The following STIL variants were observed in gnomAD, a reference collection of about 807,000 sequenced individuals.
The protein encoded by STIL is STIL centriolar assembly protein.
A neutral mutation model predicts 110.1 loss-of-function variants in STIL; 55 were observed. That is an observed-to-expected ratio of 0.50 (90% confidence interval 0.40 to 0.63). STIL has a LOEUF of 0.63. Among genes scored for constraint, STIL ranks in the 20% least tolerant of loss-of-function variants. STIL has a pLI of 0.00. For missense variants in STIL, 1,358 were observed against 1,530.0 expected, an observed-to-expected ratio of 0.89 and a Z score of 1.87; for synonymous variants, 481 against 530.0, an observed-to-expected ratio of 0.91 and a Z score of 1.27.
In STIL at chr1:47,280,407, G is replaced by A. The variant is rs201003170; in HGVS notation, c.2051C>T (p.Pro684Leu). 3.1e-6 allele frequency: 5 copies of A among 1,614,234 alleles called. No homozygotes were observed. Among genetic ancestry groups the A allele is most frequent in the East Asian group, 2.2e-5 (1 of 44,888 alleles). Residue 684 changes from proline to leucine, a missense_variant, in exon 12 of 17, where the codon CCT (proline) becomes CTT (leucine). Coordinates refer to ENST00000371877, the MANE Select transcript of STIL (RefSeq NM_001048166.1). ...CATATGTGAAGGCGGTCTTGCCACA[G>A]GCGATGGTTCAATATTGCTGTGGGG... ...CSPHSNIEPS[P>L]VARPPSHMDL...
Position 47,282,430 on chromosome 1 carries a change from A to T in STIL, c.1163T>A (p.Met388Lys). 1 of 1,613,112 alleles carries T rather than the reference A, an allele frequency of 6.2e-7. No homozygotes were observed. The highest frequency in any genetic ancestry group is 1.1e-5 in the South Asian group (1 of 91,068). Residue 388 changes from methionine to lysine, a missense_variant, in exon 11 of 17, where the codon ATG becomes AAG. Coordinates refer to ENST00000371877, the MANE Select transcript of STIL (RefSeq NM_001048166.1). ...ACCAGAGTCGTGATCATGTATTGGC[A>T]TCTTCCCAGAAGATAACTTTTGGGA... ...RSSQKLSSGK[M>K]PIHDHDSGVE...
At chr1:47,272,350 A>C in intron 12 of STIL, 109 bp from the exon 13 acceptor site, 1 of 1,164,730 alleles carries the variant, frequency 8.6e-7, no homozygotes, top group Non-Finnish European at 1.2e-6. Context: ...ACTGACTTTT[A>C]AGTCTATTTT....
chr1:47,297,560 G>A (rs1449938181), intron 6 of STIL, among the ~76,000 whole-genome samples: 1 of 151,966 alleles, frequency 6.6e-6, no homozygotes, highest in Non-Finnish European at 1.5e-5. Context: ...GTAAATATTA[G>A]GGTATATAAA....
chr1:47,313,218 GGAGGCT>G (rs1336066494), intron 1 of STIL: 2 of 152,286 alleles, frequency 1.3e-5, no homozygotes, highest in African/African-American at 4.8e-5. Flanking sequence ...CAGCTACTAG[GGAGGCT>G]GAGGCAGGAG....
chr1:47,309,833 T>A (rs184319725), intron 2 of STIL, among the ~76,000 whole-genome samples: 49 of 152,278 alleles, frequency 3.2e-4, no homozygotes, highest in African/African-American at 1.1e-3. Context: ...CATCAAGGAA[T>A]CAGTATTTGT....
intron 16 of STIL, among the ~76,000 whole-genome samples, chr1:47,256,068 T>C (rs891528443): frequency 1.3e-5 from 2 of 152,240 alleles, no homozygotes; most frequent in Admixed American, 6.5e-5. Flanking sequence ...TCTGTAACAC[T>C]GTTTCTATAG....
intron 1 of STIL, among the ~76,000 whole-genome samples, chr1:47,312,439 C>A (rs555690148): frequency 5.9e-5 from 9 of 151,288 alleles, no homozygotes; most frequent in African/African-American, 2.2e-4. Context: ...GGCAACAGAG[C>A]GAGACTCCGT....
intron 7 of STIL, among the ~76,000 whole-genome samples, chr1:47,295,414 T>A (rs1282029570): frequency 6.6e-6 from 1 of 151,852 alleles, no homozygotes; most frequent in South Asian, 2.1e-4. Flanking sequence ...ACCCCGTCTC[T>A]ACTAAAAAAG....
intron 1 of STIL, among the ~76,000 whole-genome samples, chr1:47,310,911 C>T (rs973996004): frequency 3.3e-5 from 5 of 152,094 alleles, no homozygotes; most frequent in East Asian, 3.9e-4. Flanking sequence ...TGCAGCAGTG[C>T]GATCTCAGCT....
intron 6 of STIL, among the ~76,000 whole-genome samples, chr1:47,296,705 G>A (rs1410334328): frequency 6.6e-6 from 1 of 152,144 alleles, no homozygotes; most frequent in Non-Finnish European, 1.5e-5. Context: ...AGCTACTCGG[G>A]AGGCTGAGGC....
In STIL at chr1:47,310,337, T is replaced by C. The variant is rs750661323; in HGVS notation, c.-18A>G. On this transcript the variant is annotated 5_prime_UTR_variant, in exon 2 of 17. Coordinates refer to ENST00000371877, the MANE Select transcript of STIL (RefSeq NM_001048166.1). The stretch of plus-strand genomic sequence containing the variant: ...GGCTCCATGATGTCTGGTGAATGAT[T>C]TCTTTAATTCCAAATCCTCAGTATC... 1 of 1,611,432 alleles carries C rather than the reference T, an allele frequency of 6.2e-7. No homozygotes were observed. The highest frequency in any genetic ancestry group is 1.1e-5 in the South Asian group (1 of 91,006).
rs569055397 is a variant in STIL at position 47,262,838 on chromosome 1, C to A, written c.2829+65G>T. ...TCAATCAGTTTAAACCTAGGAAAAGCTTAACTAGTATATCCTATACTAAAT... is the reference window on the plus strand; with the variant it reads ...TCAATCAGTTTAAACCTAGGAAAAGATTAACTAGTATATCCTATACTAAAT... On this transcript the variant is annotated intron_variant, in intron 15 of 16. Coordinates refer to ENST00000371877, the MANE Select transcript of STIL (RefSeq NM_001048166.1). The A allele has an allele frequency of 6.8e-6, 10 of 1,472,876 alleles. No homozygotes were observed. The African/African-American group carries it at 1.4e-4, about 20-fold the overall frequency. 91.2% of individuals were successfully genotyped at this position (1,472,876 alleles called of 1,614,324 possible).
intron 16 of STIL, among the ~76,000 whole-genome samples, chr1:47,256,076 T>C (rs750883614): frequency 6.6e-6 from 1 of 152,216 alleles, no homozygotes; most frequent in African/African-American, 2.4e-5. Context: ...ACTGTTTCTA[T>C]AGAAAAATGT....
chr1:47,314,667 A>T (rs1413366651), upstream of STIL, among the ~76,000 whole-genome samples: 2 of 152,008 alleles, frequency 1.3e-5, no homozygotes, highest in Non-Finnish European at 2.9e-5. Flanking sequence ...GTGATCACTT[A>T]TCCTCAACTT....
rs576526732 is a variant in STIL, at chr1:47,260,294, G to A, written c.3075C>T (p.His1025=). The A allele has an allele frequency of 7.4e-6, 12 of 1,612,914 alleles. No individual in the cohort carries two copies. The highest frequency in any genetic ancestry group is 2.2e-5 in the South Asian group (2 of 90,450). ...KVKKNAHNVD[H]ASVLACISPE... Reference sequence around the variant, plus strand: ...AACAAAATTTTAAAAGTTACCTGGCGTGATCCACGTTATGTGCATTTTTCT... The same window carrying A: ...AACAAAATTTTAAAAGTTACCTGGCATGATCCACGTTATGTGCATTTTTCT... Residue 1025 remains histidine, a synonymous_variant, in exon 16 of 17, where the codon CAC becomes CAT. Transcript: ENST00000371877.
chr1:47,273,389 G>A (rs369466488), intron 12 of STIL, among the ~76,000 whole-genome samples: 4 of 152,066 alleles, frequency 2.6e-5, no homozygotes, highest in Non-Finnish European at 4.4e-5. Context: ...AGCCCCTGAC[G>A]GTCTAACATG....
chr1:47,306,015 G>A (rs1417860283), intron 2 of STIL, among the ~76,000 whole-genome samples: 1 of 152,030 alleles, frequency 6.6e-6, no homozygotes, highest in Non-Finnish European at 1.5e-5. Context: ...ACAGGCGTAA[G>A]CCACCGCGCC....
At chr1:47,272,520 C>G (rs2148881102) in intron 12 of STIL, among the ~76,000 whole-genome samples, 1 of 151,456 alleles carries the variant, frequency 6.6e-6, no homozygotes, top group Non-Finnish European at 1.5e-5. Context: ...GCAATCATGG[C>G]TTATTGCAGC....
intron 12 of STIL, among the ~76,000 whole-genome samples, chr1:47,273,691 T>C (rs958077827): frequency 2.6e-5 from 4 of 152,214 alleles, no homozygotes; most frequent in African/African-American, 7.2e-5. Context: ...GACATATTTT[T>C]TTCACTTCTC....
Sources: allele counts gnomAD v4.1 joint callset (sites outside exome capture counted in the v4.1 genomes callset), GRCh38; gene constraint gnomAD v4.1.1; transcripts MANE v1.5; gene names NCBI Gene and HGNC (gene_info 2026-07-23, HGNC 2026-07-21).